SAMD5: variants seen among roughly 807,000 people sequenced by gnomAD.
SAMD5 encodes sterile alpha motif domain-containing protein 5.
A neutral mutation model predicts 11.3 loss-of-function variants in SAMD5; 13 were observed. The observed-to-expected ratio is 1.15, with a 90% confidence interval of 0.75 to 1.83. SAMD5 has a LOEUF of 1.83. Among genes scored for constraint, SAMD5 ranks in the 40% most tolerant of loss-of-function variants. SAMD5 has a pLI of 0.00. For missense variants in SAMD5, 255 were observed against 239.1 expected, an observed-to-expected ratio of 1.07 and a Z score of -0.44; for synonymous variants, 129 against 111.3, an observed-to-expected ratio of 1.16 and a Z score of -1.00.
rs145167704 is a variant in SAMD5, at chr6:147,708,724, G to C, written c.163-28593G>C. Among the ~76,000 whole-genome samples, 343 of 152,310 alleles carry C rather than the reference G, an allele frequency of 2.3e-3. 2 individuals are homozygous for C. The highest frequency in any genetic ancestry group is 7.8e-3 in the African/African-American group (324 of 41,570). ...ACATAAGAGCATTTATGGATCGACT[G>C]TATCCAATTGTGTTTTTCTTTGTGG... On this transcript the variant is annotated intron_variant, in intron 1 of 1. Coordinates refer to the SAMD5 transcript ENST00000566741.
intron 1 of SAMD5, among the ~76,000 whole-genome samples, chr6:147,635,456 G>C (rs1790214822): frequency 6.6e-6 from 1 of 152,176 alleles, no homozygotes; most frequent in East Asian, 1.9e-4. Flanking sequence ...GATTGACTCT[G>C]TTGCCTATAT....
chr6:147,714,804 G>C (rs541289266), intron 1 of SAMD5, among the ~76,000 whole-genome samples: 2 of 152,150 alleles, frequency 1.3e-5, no homozygotes, highest in Non-Finnish European at 2.9e-5. Flanking sequence ...GAATGACTTA[G>C]GTGGTCTTGG....
At chr6:147,882,951 A>C in the SAMD5 span, among the ~76,000 whole-genome samples, 1 of 152,142 alleles carries the variant, frequency 6.6e-6, no homozygotes, top group Non-Finnish European at 1.5e-5. Flanking sequence ...TCCCATTTGG[A>C]TCTCTTTCAA....
At chr6:147,823,601 A>T in the SAMD5 span, among the ~76,000 whole-genome samples, 1 of 152,196 alleles carries the variant, frequency 6.6e-6, no homozygotes, top group Non-Finnish European at 1.5e-5. Flanking sequence ...CATTCTGCAC[A>T]TGTATCCTGG....
intron 1 of SAMD5, among the ~76,000 whole-genome samples, chr6:147,615,727 G>A (rs1369809899): frequency 1.3e-5 from 2 of 152,080 alleles, no homozygotes; most frequent in African/African-American, 4.8e-5. Context: ...CTGAAATGTG[G>A]GTCGGTATAA....
At chr6:147,775,816 G>C in the SAMD5 span, among the ~76,000 whole-genome samples, 1 of 152,280 alleles carries the variant, frequency 6.6e-6, no homozygotes, top group African/African-American at 2.4e-5. Flanking sequence ...CACTTTCCCA[G>C]CTGTGTGATC....
chr6:147,658,634 G>A (rs944842288), intron 1 of SAMD5, among the ~76,000 whole-genome samples: 19 of 151,424 alleles, frequency 1.3e-4, no homozygotes, highest in Non-Finnish European at 1.8e-4. Context: ...AAGACATTAT[G>A]GGTGAGATTG....
intron 1 of SAMD5, among the ~76,000 whole-genome samples, chr6:147,703,532 A>G (rs1178422057): frequency 1.3e-5 from 2 of 152,252 alleles, no homozygotes; most frequent in African/African-American, 4.8e-5. Flanking sequence ...GCAAAACCTC[A>G]AAGAATGGAA....
intron 1 of SAMD5, among the ~76,000 whole-genome samples, chr6:147,688,115 CT>C (rs139701832): frequency 0.11 from 17,419 of 151,832 alleles, 1,094 homozygotes; most frequent in Middle Eastern, 0.16. Flanking sequence ...ATTTTTGACT[CT>C]TATTTCCTTT....
the SAMD5 span, among the ~76,000 whole-genome samples, chr6:147,902,202 C>A: frequency 1.9e-3 from 286 of 152,124 alleles, no homozygotes; most frequent in African/African-American, 6.6e-3. Context: ...TGGCTCTAAA[C>A]CCTTGTTAAA....
chr6:147,765,464 C>T, the SAMD5 span, among the ~76,000 whole-genome samples: 1 of 152,196 alleles, frequency 6.6e-6, no homozygotes, highest in African/African-American at 2.4e-5. Flanking sequence ...ACCCACCTAA[C>T]ATGCATTAAG....
Position 147,565,865 on chromosome 6 carries a change from C to T in SAMD5, c.*1409C>T, listed in dbSNP as rs971793609. 5.1e-6 allele frequency: 5 copies of T among 985,236 alleles called. No homozygotes were observed. The highest frequency in any genetic ancestry group is 6.0e-6 in the Non-Finnish European group (5 of 829,876). The allele number at this position is 985,236 out of a possible 1,614,324, so 61.0% of individuals were successfully genotyped here. A position where few individuals can be genotyped will look rare whatever the true frequency, so the allele number is the denominator to read the frequency against. ...GCAAAAGATGTTGACGTACAACTGG[C>T]TCCTGAGGCTGTCAATTGTTTAGAG... On this transcript the variant is annotated 3_prime_UTR_variant, in exon 2 of 2. Coordinates refer to ENST00000367474, the MANE Select transcript of SAMD5 (RefSeq NM_001030060.3).
chr6:147,849,119 T>A, the SAMD5 span, among the ~76,000 whole-genome samples: 1 of 151,516 alleles, frequency 6.6e-6, no homozygotes, highest in Non-Finnish European at 1.5e-5. Flanking sequence ...AAGCCAAAGG[T>A]GTAATAGTTG....
the SAMD5 span, among the ~76,000 whole-genome samples, chr6:147,830,251 CTTTTTT>C: frequency 6.2e-3 from 528 of 84,924 alleles, 2 homozygotes; most frequent in African/African-American, 0.023. Context: ...TTCTTTCTTT[CTTTTTT>C]TTTTTTTTTT....
chr6:147,539,945 A>G (rs891312016), intron 1 of SAMD5, among the ~76,000 whole-genome samples: 1 of 152,194 alleles, frequency 6.6e-6, no homozygotes, highest in Non-Finnish European at 1.5e-5. Context: ...GAATTTTACC[A>G]CAGGTAACGT....
At chr6:147,555,204 T>C (rs540089748) in intron 1 of SAMD5, among the ~76,000 whole-genome samples, 57 of 152,336 alleles carry the variant, frequency 3.7e-4, no homozygotes, top group African/African-American at 1.3e-3. Context: ...CATAAAGCAC[T>C]TCTGTTGCAA....
At chr6:147,579,035 G>A (rs1180960237) in intron 1 of SAMD5, among the ~76,000 whole-genome samples, 1 of 152,064 alleles carries the variant, frequency 6.6e-6, no homozygotes. Context: ...TATTAAGACT[G>A]TATGATGAAT....
At chr6:147,530,033 GTTTC>G (rs1788403491) in intron 1 of SAMD5, among the ~76,000 whole-genome samples, 1 of 152,156 alleles carries the variant, frequency 6.6e-6, no homozygotes, top group Non-Finnish European at 1.5e-5. Context: ...TTCTTATGGT[GTTTC>G]TTTTTTTATT....
the SAMD5 span, among the ~76,000 whole-genome samples, chr6:147,919,982 G>T: frequency 6.6e-6 from 1 of 152,098 alleles, no homozygotes; most frequent in Non-Finnish European, 1.5e-5. Context: ...ACCAACCACT[G>T]TGCTTGTGAT....
Sources: gnomAD v4.1 joint callset for allele counts (sites outside exome capture counted in the v4.1 genomes callset) on GRCh38, gnomAD v4.1.1 for gene constraint, MANE v1.5 for transcripts, NCBI Gene and HGNC (gene_info 2026-07-23, HGNC 2026-07-21) for gene names.